THAP9: variants seen among roughly 807,000 people sequenced by gnomAD.
THAP9 encodes THAP domain containing 9.
THAP9 carries 20 observed loss-of-function variants against 35.7 expected under a neutral mutation model. That is an observed-to-expected ratio of 0.56 (90% confidence interval 0.39 to 0.81). The LOEUF (loss-of-function observed/expected upper bound fraction) is 0.81. Among genes scored for constraint, THAP9 ranks in the 40% least tolerant of loss-of-function variants. THAP9 has a pLI of 0.00. For missense variants in THAP9, 870 were observed against 1,047.4 expected (o/e 0.83, Z 2.34); for synonymous variants, 335 against 373.7 (o/e 0.90, Z 1.19).
At chr4:82,907,673 C>G (rs1720700771) in intron 3 of THAP9, 112 bp from the exon 4 acceptor site, 2 of 796,720 alleles carry the variant, frequency 2.5e-6, no homozygotes, top group African/African-American at 1.8e-5. Flanking sequence ...CAAAATGCAA[C>G]TATATTTGTA....
Position 82,917,916 on chromosome 4 carries a change from T to G in THAP9, c.1704T>G (p.Gly568=), listed in dbSNP as rs964586779. Residue 568 remains glycine (G), a synonymous_variant, in exon 5 of 5, where the codon GGT becomes GGG. Coordinates refer to ENST00000302236, the MANE Select transcript of THAP9 (RefSeq NM_024672.6). ...SDTSNNQIIK[G]KQKLGFLGFL... The stretch of plus-strand genomic sequence containing the variant: ...CTAGCAATAATCAAATAATTAAAGG[T>G]AAGCAAAAACTAGGATTCCTGGGAT... 1 of 1,613,868 alleles carries G rather than the reference T, an allele frequency of 6.2e-7. No homozygotes were observed. Among genetic ancestry groups the G allele is most frequent in the Non-Finnish European group, 8.5e-7 (1 of 1,179,936 alleles).
chr4:82,908,100 G>A (rs1720728760), intron 4 of THAP9, among the ~76,000 whole-genome samples, 165 bp downstream of exon 4: 1 of 152,014 alleles, frequency 6.6e-6, no homozygotes, highest in East Asian at 1.9e-4. Context: ...AAGAAAAAAT[G>A]GACTAATGAA....
chr4:82,903,712 A>G lies in THAP9; in HGVS notation c.81-1024A>G, dbSNP rs576200060. ...CAGTATAAACATTTTTATCTCACAC[A>G]TTTCTGAGGGTCAGGAATTCAGGAG... On this transcript the variant is annotated intron_variant, in intron 1 of 4. Coordinates refer to ENST00000302236, the MANE Select transcript of THAP9 (RefSeq NM_024672.6). 3.3e-5 allele frequency: 5 copies of G among 152,604 alleles called. No homozygotes were observed. The South Asian group carries it at 6.2e-4, about 19-fold the overall frequency. The allele number at this position is 152,604 out of a possible 1,614,324, so 9.5% of individuals were successfully genotyped here.
chr4:82,903,746 G>A (rs1453815455), intron 1 of THAP9, among the ~76,000 whole-genome samples: 1 of 152,048 alleles, frequency 6.6e-6, no homozygotes, highest in Non-Finnish European at 1.5e-5. Flanking sequence ...AGTGTAGCTC[G>A]ATGTTACAGT....
intron 4 of THAP9, among the ~76,000 whole-genome samples, chr4:82,912,749 A>G (rs1720906924): frequency 6.6e-6 from 1 of 152,246 alleles, no homozygotes. Context: ...ATAAATATGT[A>G]TATGTGTAAG....
intron 1 of THAP9, among the ~76,000 whole-genome samples, chr4:82,901,401 T>C (rs1369152820): frequency 6.6e-6 from 1 of 152,186 alleles, no homozygotes; most frequent in African/African-American, 2.4e-5. Flanking sequence ...ATCAGTCTTA[T>C]CTGAACTCAT....
At chr4:82,902,259 C>T (rs1720447002) in intron 1 of THAP9, among the ~76,000 whole-genome samples, 1 of 151,070 alleles carries the variant, frequency 6.6e-6, no homozygotes, top group African/African-American at 2.4e-5. Flanking sequence ...GACCACCATC[C>T]CGGCTTTTTT....
At chr4:82,914,298 A>G (rs1243969709) in intron 4 of THAP9, among the ~76,000 whole-genome samples, 1 of 152,148 alleles carries the variant, frequency 6.6e-6, no homozygotes, top group East Asian at 1.9e-4. Flanking sequence ...ATTTGCATGC[A>G]TGTGTCTTTA....
chr4:82,904,060 T>C (rs1419069582), intron 1 of THAP9, among the ~76,000 whole-genome samples: 101 of 1,938 alleles, frequency 0.052, no homozygotes, highest in African/African-American at 0.12. Context: ...GGCTCCCCCT[T>C]TTTTTTTTTT....
chr4:82,910,801 T>C, intron 4 of THAP9: 2 of 438,470 alleles, frequency 4.6e-6, no homozygotes, highest in South Asian at 1.6e-5. Flanking sequence ...CAAATGCTGC[T>C]GGGAGATCAG....
intron 1 of THAP9, among the ~76,000 whole-genome samples, chr4:82,902,355 GCCCAGC>G (rs924770449): frequency 1.3e-5 from 2 of 151,230 alleles, no homozygotes; most frequent in African/African-American, 4.9e-5. Flanking sequence ...GAGCCACCCT[GCCCAGC>G]CCCAGCCTTT....
rs763173764 is a variant in THAP9 at position 82,904,877 on chromosome 4, T to C, written c.222T>C (p.Tyr74=). 9 of 1,613,988 alleles carry C rather than the reference T, an allele frequency of 5.6e-6. No homozygotes were observed. In the African/African-American group the frequency reaches 9.3e-5, roughly 17 times the overall value. The part of the protein sequence containing the change: ...KHFQESDFES[Y]GIRRKLKKGA... ...TTCAAGAAAGTGACTTTGAGTCATATGGCATAAGAAGAAAGCTGAAAAAAG... is the reference window on the plus strand; with the variant it reads ...TTCAAGAAAGTGACTTTGAGTCATACGGCATAAGAAGAAAGCTGAAAAAAG... The change falls in exon 2 of 5, where the codon TAT becomes TAC. Residue 74 remains tyrosine (Y), a synonymous_variant. Coordinates refer to ENST00000302236, the MANE Select transcript of THAP9 (RefSeq NM_024672.6).
Position 82,917,340 on chromosome 4 carries a change from A to C in THAP9, c.1128A>C (p.Thr376=). The change falls in exon 5 of 5, where the codon ACA becomes ACC. Residue 376 remains threonine (T), a synonymous_variant. Transcript: ENST00000302236. ...TTCTGGCTGTTACATCTGATGCCAC[A>C]GCACATAGTGTTCAGATGGCAAAAG... The part of the protein sequence containing the change: ...ITVLAVTSDA[T]AHSVQMAKAL... 1 of 1,613,498 alleles carries C rather than the reference A, an allele frequency of 6.2e-7. No homozygotes were observed. Among genetic ancestry groups the C allele is most frequent in the Non-Finnish European group, 8.5e-7 (1 of 1,179,482 alleles).
intron 1 of THAP9, chr4:82,901,237 T>A: frequency 3.9e-6 from 2 of 515,656 alleles, no homozygotes; most frequent in South Asian, 3.1e-5. Context: ...GGCGTCTTCC[T>A]GAGCACGAGT....
chr4:82,917,866 A>G lies in THAP9; in HGVS notation c.1654A>G (p.Thr552Ala). The change falls in exon 5 of 5, where the codon ACT becomes GCT. Residue 552 changes from threonine to alanine, a missense_variant. Coordinates refer to ENST00000302236, the MANE Select transcript of THAP9 (RefSeq NM_024672.6). ...KINHVLIEAK[T>A]IFVTLSDTSN... ...AAACCACGTGTTAATTGAAGCCAAG[A>G]CTATTTTTGTTACATTATCTGACAC... is the stretch of plus-strand genomic sequence containing the variant. 1.9e-6 allele frequency: 3 copies of G among 1,613,358 alleles called. No individual in the cohort carries two copies. Among genetic ancestry groups the G allele is most frequent in the Non-Finnish European group, 2.5e-6 (3 of 1,179,876 alleles).
chr4:82,900,947 C>T, intron 1 of THAP9, 65 bp downstream of exon 1: 1 of 1,587,946 alleles, frequency 6.3e-7, no homozygotes, highest in Non-Finnish European at 8.6e-7. Context: ...CGTGGCGTGG[C>T]GTGGGGCGGG....
chr4:82,906,263 T>C, intron 2 of THAP9, 61 bp from the exon 3 acceptor site: 1 of 1,379,496 alleles, frequency 7.2e-7, no homozygotes, highest in Non-Finnish European at 9.8e-7. Flanking sequence ...AGGGTATTTT[T>C]ACAGATACTC....
chr4:82,902,594 T>C (rs1720470725), intron 1 of THAP9, among the ~76,000 whole-genome samples: 1 of 152,182 alleles, frequency 6.6e-6, no homozygotes. Flanking sequence ...TGAGGGTTCC[T>C]TGCACGTTTA....
chr4:82,902,263 CTTT>C (rs756304657), intron 1 of THAP9, among the ~76,000 whole-genome samples: 1 of 137,448 alleles, frequency 7.3e-6, no homozygotes. Flanking sequence ...ACCATCCCGG[CTTT>C]TTTTTTTTTT....
Sources: gnomAD v4.1 joint callset for allele counts (sites outside exome capture counted in the v4.1 genomes callset) on GRCh38, gnomAD v4.1.1 for gene constraint, MANE v1.5 for transcripts, NCBI Gene and HGNC (gene_info 2026-07-23, HGNC 2026-07-21) for gene names.